Variants in STRBP observed in about 807,000 individuals in gnomAD.
STRBP encodes spermatid perinuclear RNA binding protein, also known as spermatid perinuclear RNA-binding protein.
Under a neutral mutation model 80.1 loss-of-function variants are expected in STRBP, and 13 were observed. The observed-to-expected ratio is 0.16, with a 90% CI of 0.11 to 0.26. The LOEUF is 0.26. Among genes scored for constraint, STRBP ranks in the 10% least tolerant of loss-of-function variants. STRBP has a pLI of 1.00. For missense variants in STRBP, 485 were observed against 815.2 expected, an observed-to-expected ratio of 0.59 and a Z score of 4.93; for synonymous variants, 284 against 291.2, an observed-to-expected ratio of 0.98 and a Z score of 0.25.
intron 11 of STRBP, among the ~76,000 whole-genome samples, chr9:123,150,868 G>A (rs1157865779): frequency 6.6e-6 from 1 of 152,046 alleles, no homozygotes; most frequent in Non-Finnish European, 1.5e-5. Context: ...CATCCTTGTG[G>A]CTCTCACAAG....
At chr9:123,137,408 TTTG>T (rs149319491) in intron 14 of STRBP, among the ~76,000 whole-genome samples, 11 of 151,914 alleles carry the variant, frequency 7.2e-5, no homozygotes, top group South Asian at 2.1e-4. Flanking sequence ...GTTTTTTTTG[TTTG>T]TTGTTGTTGT....
chr9:123,199,657 G>A (rs1398275325), intron 2 of STRBP, among the ~76,000 whole-genome samples: 2 of 152,162 alleles, frequency 1.3e-5, no homozygotes, highest in African/African-American at 4.8e-5. Flanking sequence ...AAAAGGGACT[G>A]AGTTCTTGAT....
chr9:123,163,724 G>A lies in STRBP; in HGVS notation c.536-2656C>T, dbSNP rs143220968. 6.0e-3 allele frequency among the ~76,000 whole-genome samples: 909 copies of A among 152,234 alleles called. 3 individuals carry two copies. The highest frequency in any genetic ancestry group is 8.9e-3 in the South Asian group (43 of 4,818). On this transcript the variant is annotated intron_variant, in intron 6 of 18. Coordinates refer to ENST00000348403, the MANE Select transcript of STRBP (RefSeq NM_018387.5). ...ATTAATAATATACAGTTTTATGTATGTTTTCATTCCTTTGAAAAAACTTCA... is the reference window on the plus strand; with the variant it reads ...ATTAATAATATACAGTTTTATGTATATTTTCATTCCTTTGAAAAAACTTCA...
intron 1 of STRBP, among the ~76,000 whole-genome samples, chr9:123,237,700 G>C (rs571078196): frequency 6.6e-6 from 1 of 152,102 alleles, no homozygotes; most frequent in South Asian, 2.1e-4. Context: ...GAATTCTGGG[G>C]TTTCAGCCAT....
intron 1 of STRBP, among the ~76,000 whole-genome samples, chr9:123,245,744 G>T (rs553508654): frequency 3.0e-4 from 45 of 152,324 alleles, no homozygotes; most frequent in African/African-American, 1.1e-3. Flanking sequence ...ATGAGAATCA[G>T]TATCCTCCAG....
At chr9:123,181,009 A>G (rs1588055195) in intron 3 of STRBP, 1 of 849,628 alleles carries the variant, frequency 1.2e-6, no homozygotes, top group Non-Finnish European at 1.4e-6. Flanking sequence ...TTTGGATAAC[A>G]GTAAATTAAC....
chr9:123,115,348 C>A lies in STRBP; in HGVS notation c.*84+581G>T, dbSNP rs1467620846. Reference sequence around the variant, plus strand: ...CTCCTCTCCTGCCCTCGGCGGGAGACCTGGGAACGGGCCTGCCAGCGCCCA... The same window carrying A: ...CTCCTCTCCTGCCCTCGGCGGGAGAACTGGGAACGGGCCTGCCAGCGCCCA... On this transcript the variant is annotated intron_variant and NMD_transcript_variant, in intron 3 of 3. Transcript: ENST00000471564. The surrounding 1 kb of genome is among the most constrained non-coding windows in gnomAD (Gnocchi z 5.0). 4.2e-6 allele frequency: 2 copies of A among 470,938 alleles called. No individual in the cohort carries two copies. The highest frequency in any genetic ancestry group is 2.0e-5 in the African/African-American group (1 of 50,074). The allele number at this position is 470,938 out of a possible 1,614,324, so 29.2% of individuals were successfully genotyped here.
At chr9:123,155,490 G>C (rs951297500) in intron 11 of STRBP, among the ~76,000 whole-genome samples, 1 of 152,108 alleles carries the variant, frequency 6.6e-6, no homozygotes, top group African/African-American at 2.4e-5. Context: ...AGGAAGTAAA[G>C]GTACGTGCTA....
At chr9:123,263,293 G>GATC (rs1170296515) in intron 1 of STRBP, among the ~76,000 whole-genome samples, 1 of 152,068 alleles carries the variant, frequency 6.6e-6, no homozygotes, top group Non-Finnish European at 1.5e-5. Flanking sequence ...GAGACAGGAG[G>GATC]ATCGCTTGAG....
At chr9:123,169,881 T>TAC (rs749264708) in intron 6 of STRBP, 21 bp downstream of exon 6, 9 of 1,248,818 alleles carry the variant, frequency 7.2e-6, no homozygotes, top group Middle Eastern at 2.1e-4. Context: ...TACATATATA[T>TAC]ATATATATAT....
intron 17 of STRBP, among the ~76,000 whole-genome samples, chr9:123,132,628 C>T (rs935121569): frequency 1.3e-5 from 2 of 152,186 alleles, no homozygotes; most frequent in African/African-American, 4.8e-5. Flanking sequence ...GCAATTTGCT[C>T]ATCTGTCATC....
At chr9:123,254,626 T>C (rs942826647) in intron 1 of STRBP, among the ~76,000 whole-genome samples, 1 of 152,102 alleles carries the variant, frequency 6.6e-6, no homozygotes, top group African/African-American at 2.4e-5. Flanking sequence ...TTTATATTCT[T>C]AGCAAACCAA....
chr9:123,254,330 G>A (rs752763411), intron 1 of STRBP, among the ~76,000 whole-genome samples: 14 of 151,832 alleles, frequency 9.2e-5, no homozygotes, highest in South Asian at 6.2e-4. Flanking sequence ...GCGTGGTGGC[G>A]GGCACCTGTA....
chr9:123,173,347 A>G (rs922476768), intron 5 of STRBP, among the ~76,000 whole-genome samples: 1 of 152,186 alleles, frequency 6.6e-6, no homozygotes, highest in Non-Finnish European at 1.5e-5. Flanking sequence ...CAATCTTCCA[A>G]TTCTTTTCTG....
chr9:123,178,452 A>G (rs2038315693), intron 4 of STRBP, among the ~76,000 whole-genome samples: 1 of 152,224 alleles, frequency 6.6e-6, no homozygotes, highest in African/African-American at 2.4e-5. Flanking sequence ...ATATGCTACT[A>G]TAATTGTTGA....
chr9:123,184,111 A>G lies in STRBP; in HGVS notation c.3+21T>C, dbSNP rs111320271. The G allele has an allele frequency of 6.0e-4, 967 of 1,602,246 alleles. 4 individuals carry two copies. The African/African-American group carries it at 0.011, about 18-fold the overall frequency. On this transcript the variant is annotated intron_variant, in intron 3 of 18. Transcript: ENST00000348403. ...TGGAGTCTTTTGTAACTAAATTATG[A>G]AAATATCCACAATAACCTACCATGG...
chr9:123,224,729 A>C (rs2132562866), intron 2 of STRBP, among the ~76,000 whole-genome samples: 1 of 152,350 alleles, frequency 6.6e-6, no homozygotes, highest in East Asian at 1.9e-4. Context: ...GATGTCAAAA[A>C]GAAGTGACCA....
chr9:123,186,819 T>TTC (rs771552632), intron 2 of STRBP, among the ~76,000 whole-genome samples: 2 of 50,916 alleles, frequency 3.9e-5, no homozygotes, highest in Non-Finnish European at 9.7e-5. Context: ...AGAGTTTTTC[T>TTC]TTTTTTAAAA....
intron 1 of STRBP, among the ~76,000 whole-genome samples, chr9:123,237,361 T>C (rs1262242146): frequency 6.6e-6 from 1 of 151,990 alleles, no homozygotes; most frequent in East Asian, 1.9e-4. Flanking sequence ...CCAAGAACAT[T>C]TCAACACTGA....
Sources: allele counts gnomAD v4.1 joint callset (sites outside exome capture counted in the v4.1 genomes callset), GRCh38; gene constraint gnomAD v4.1.1; non-coding constraint Gnocchi (gnomAD v3.1); transcripts MANE v1.5; gene names NCBI Gene and HGNC (gene_info 2026-07-23, HGNC 2026-07-21).